SCGN: variants seen among roughly 807,000 people sequenced by gnomAD.
SCGN encodes secretagogin, EF-hand calcium binding protein.
Under a neutral mutation model 39.7 loss-of-function variants are expected in SCGN, and 30 were observed. That is an observed-to-expected ratio of 0.76 (90% CI 0.57 to 1.03). SCGN has a LOEUF of 1.03. Among genes scored for constraint, SCGN ranks in the 50% least tolerant of loss-of-function variants. SCGN has a pLI of 0.00. For missense variants in SCGN, 353 were observed against 349.4 expected (o/e 1.01, Z -0.08); for synonymous variants, 106 against 114.1 (o/e 0.93, Z 0.45).
At chr6:25,664,251 A>G (rs1760390679) in intron 3 of SCGN, among the ~76,000 whole-genome samples, 2 of 152,228 alleles carry the variant, frequency 1.3e-5, no homozygotes, top group Admixed American at 1.3e-4. Context: ...AATATAAACC[A>G]TAGCTAACAC....
chr6:25,679,878 T>A (rs1478521144), intron 6 of SCGN, among the ~76,000 whole-genome samples: 2 of 141,372 alleles, frequency 1.4e-5, no homozygotes, highest in African/African-American at 4.9e-5. Context: ...TTTTACTTCA[T>A]AACCAAACAT....
In SCGN at chr6:25,661,469, C is replaced by A. The variant is rs1561760908; in HGVS notation, c.154-83C>A. 5.4e-6 allele frequency: 5 copies of A among 922,358 alleles called. No homozygotes were observed. The East Asian group carries it at 7.4e-5, about 14-fold the overall frequency. The allele number at this position is 922,358 out of a possible 1,614,324, so 57.1% of individuals were successfully genotyped here. ...ATGTTTGAAAAACATAATTTTCACG[C>A]TGTATATTTTGAATATTTGCCATCC... On this transcript the variant is annotated intron_variant, in intron 2 of 10. Coordinates refer to ENST00000377961, the MANE Select transcript of SCGN (RefSeq NM_006998.4).
chr6:25,691,148 T>G (rs773854751), intron 10 of SCGN, 24 bp downstream of exon 10: 3 of 1,546,652 alleles, frequency 1.9e-6, no homozygotes, highest in Non-Finnish European at 2.7e-6. Context: ...CTTCTTATTA[T>G]GAAGTGGGGT....
chr6:25,668,623 G>A (rs1035931099), intron 4 of SCGN, among the ~76,000 whole-genome samples: 2 of 152,046 alleles, frequency 1.3e-5, no homozygotes, highest in Admixed American at 1.3e-4. Context: ...CACCTGTGTG[G>A]GTCCCATGAT....
At chr6:25,694,455 C>T (rs1202904473) in intron 10 of SCGN, among the ~76,000 whole-genome samples, 1 of 152,190 alleles carries the variant, frequency 6.6e-6, no homozygotes, top group Non-Finnish European at 1.5e-5. Context: ...TATATCACTT[C>T]TATGGGAAGG....
Position 25,652,436 on chromosome 6 carries a change from C to G in SCGN, c.33C>G (p.Arg11=). Reference sequence around the variant, plus strand: ...GCTCCCGGGAACCGACTCTGGGGCGCTTGGACGCCGCTGGCTTCTGGCAGG... The same window carrying G: ...GCTCCCGGGAACCGACTCTGGGGCGGTTGGACGCCGCTGGCTTCTGGCAGG... MDSSREPTLG[R]LDAAGFWQVW... Residue 11 remains arginine, a synonymous_variant, in exon 1 of 11, where the codon CGC becomes CGG. Coordinates refer to ENST00000377961, the MANE Select transcript of SCGN (RefSeq NM_006998.4). 1 of 1,614,150 alleles carries G rather than the reference C, an allele frequency of 6.2e-7. No individual in the cohort carries two copies. Among genetic ancestry groups the G allele is most frequent in the Non-Finnish European group, 8.5e-7 (1 of 1,180,022 alleles).
At chr6:25,663,602 A>C (rs1760378243) in intron 3 of SCGN, among the ~76,000 whole-genome samples, 1 of 152,228 alleles carries the variant, frequency 6.6e-6, no homozygotes, top group Non-Finnish European at 1.5e-5. Flanking sequence ...AGGCACAGAT[A>C]TATTAACTAA....
At chr6:25,689,808 AAG>A (rs1158184132) in intron 9 of SCGN, among the ~76,000 whole-genome samples, 5 of 152,150 alleles carry the variant, frequency 3.3e-5, no homozygotes, top group Admixed American at 2.6e-4. Context: ...TTGTAGGACT[AAG>A]AGTTCATTTA....
At chr6:25,674,179 A>T (rs1281083952) in intron 6 of SCGN, among the ~76,000 whole-genome samples, 2 of 152,146 alleles carry the variant, frequency 1.3e-5, no homozygotes, top group Non-Finnish European at 2.9e-5. Context: ...AGGAGACAAC[A>T]TCCAAGCTAT....
chr6:25,662,094 C>T (rs1760348533), intron 3 of SCGN, among the ~76,000 whole-genome samples: 1 of 152,188 alleles, frequency 6.6e-6, no homozygotes, highest in Non-Finnish European at 1.5e-5. Context: ...AAAAGCACGA[C>T]AGACAATAGG....
chr6:25,701,440 G>A lies in SCGN; in HGVS notation c.*105G>A. Reference sequence around the variant, plus strand: ...GAACACAGTGGGCAAACTCACAAATGGTGTGCTATTCTTGGGCAAGAACAG... The same window carrying A: ...GAACACAGTGGGCAAACTCACAAATAGTGTGCTATTCTTGGGCAAGAACAG... On this transcript the variant is annotated 3_prime_UTR_variant, in exon 11 of 11. Transcript: ENST00000377961. The A allele has an allele frequency of 6.9e-7, 1 of 1,443,528 alleles. No homozygotes were observed. Among genetic ancestry groups the A allele is most frequent in the Non-Finnish European group, 9.4e-7 (1 of 1,061,830 alleles). 89.4% of individuals were successfully genotyped at this position (1,443,528 alleles called of 1,614,324 possible).
At chr6:25,672,080 A>C (rs1759504476) in intron 6 of SCGN, among the ~76,000 whole-genome samples, 1 of 152,168 alleles carries the variant, frequency 6.6e-6, no homozygotes, top group African/African-American at 2.4e-5. Flanking sequence ...GTTCTTGCTC[A>C]TCCTTCGATA....
chr6:25,660,525 C>T (rs1196671536), intron 2 of SCGN, among the ~76,000 whole-genome samples: 1 of 152,124 alleles, frequency 6.6e-6, no homozygotes, highest in Non-Finnish European at 1.5e-5. Flanking sequence ...GGACATCTTG[C>T]ACCTGGGTTG....
intron 4 of SCGN, among the ~76,000 whole-genome samples, chr6:25,666,541 C>A (rs1760428272): frequency 6.6e-6 from 1 of 152,146 alleles, no homozygotes; most frequent in Non-Finnish European, 1.5e-5. Flanking sequence ...ATAATTCATT[C>A]ATTCTACAAA....
At chr6:25,652,900 G>A (rs1355037710) in intron 1 of SCGN, among the ~76,000 whole-genome samples, 1 of 151,730 alleles carries the variant, frequency 6.6e-6, no homozygotes, top group Non-Finnish European at 1.5e-5. Context: ...CTCTCAAAAT[G>A]AGAATAAATT....
intron 2 of SCGN, among the ~76,000 whole-genome samples, chr6:25,658,447 T>C (rs746725672): frequency 6.6e-6 from 1 of 152,134 alleles, no homozygotes; most frequent in African/African-American, 2.4e-5. Flanking sequence ...AGTCCTCTTA[T>C]TTTAATCATT....
Position 25,691,047 on chromosome 6 carries a change from C to A in SCGN, c.634-9C>A. ...TGATATTTGGGCAATTGGATCTTTTCTTTTTCAGAGTAAAACAGGAGCCCT... is the reference window on the plus strand; with the variant it reads ...TGATATTTGGGCAATTGGATCTTTTATTTTTCAGAGTAAAACAGGAGCCCT... On this transcript the variant is annotated splice_polypyrimidine_tract_variant and intron_variant, in intron 9 of 10. Transcript: ENST00000377961. The A allele has an allele frequency of 6.2e-7, 1 of 1,610,786 alleles. No homozygotes were observed. Among genetic ancestry groups the A allele is most frequent in the Non-Finnish European group, 8.5e-7 (1 of 1,178,284 alleles).
At chr6:25,690,631 C>T (rs1406208138) in intron 9 of SCGN, among the ~76,000 whole-genome samples, 2 of 152,120 alleles carry the variant, frequency 1.3e-5, no homozygotes, top group East Asian at 1.9e-4. Flanking sequence ...TCAATGTAGT[C>T]TCCCTGGATT....
In SCGN at chr6:25,669,508, C is replaced by A. The variant is rs1759461277; in HGVS notation, c.337-3C>A. 2 of 1,612,824 alleles carry A rather than the reference C, an allele frequency of 1.2e-6. No individual in the cohort carries two copies. The highest frequency in any genetic ancestry group is 1.7e-6 in the Non-Finnish European group (2 of 1,178,966). On this transcript the variant is annotated splice_region_variant and splice_polypyrimidine_tract_variant and intron_variant, in intron 4 of 10. Coordinates refer to ENST00000377961, the MANE Select transcript of SCGN (RefSeq NM_006998.4). ...ATTAATTAGTGACTTTTGTGTATTTCAGATTTGGCGCAAATATGACGCTGA... is the reference window on the plus strand; with the variant it reads ...ATTAATTAGTGACTTTTGTGTATTTAAGATTTGGCGCAAATATGACGCTGA...
Sources: gnomAD v4.1 joint callset for allele counts (sites outside exome capture counted in the v4.1 genomes callset) on GRCh38, gnomAD v4.1.1 for gene constraint, MANE v1.5 for transcripts, NCBI Gene and HGNC (gene_info 2026-07-23, HGNC 2026-07-21) for gene names.